Variants in ERBB4 observed in about 807,000 individuals in gnomAD.
ERBB4 encodes erb-b2 receptor tyrosine kinase 4, also known as receptor tyrosine-protein kinase erbB-4.
ERBB4 carries 42 observed loss-of-function variants against 158.0 expected under a neutral mutation model. The observed-to-expected ratio is 0.27, with a 90% confidence interval of 0.21 to 0.34. The LOEUF (loss-of-function observed/expected upper bound fraction) is 0.34. Ranked by LOEUF, ERBB4 falls within the 10% of genes least tolerant of loss-of-function variation. The pLI is 1.00. For synonymous variants in ERBB4, 583 were observed against 558.7 expected (o/e 1.04, Z -0.61); for missense variants, 1,333 against 1,624.1 (o/e 0.82, Z 3.08).
chr2:211,398,365 A>T (rs529866291), intron 25 of ERBB4, among the ~76,000 whole-genome samples: 1 of 152,176 alleles, frequency 6.6e-6, no homozygotes, highest in Admixed American at 6.5e-5. Context: ...AAGTGTTATT[A>T]ATAATTATGC....
chr2:211,745,171 G>A (rs2074926680), intron 5 of ERBB4, among the ~76,000 whole-genome samples: 1 of 152,086 alleles, frequency 6.6e-6, no homozygotes, highest in Admixed American at 6.6e-5. Flanking sequence ...TCTAGAGAAA[G>A]CCTAAAATAA....
At chr2:212,295,926 T>C (rs1004824665) in intron 1 of ERBB4, among the ~76,000 whole-genome samples, 8 of 152,082 alleles carry the variant, frequency 5.3e-5, no homozygotes, top group African/African-American at 1.7e-4. Context: ...TTGCCAGCCA[T>C]TCATCAAAGC....
intron 3 of ERBB4, among the ~76,000 whole-genome samples, chr2:211,813,434 A>G (rs2076804798): frequency 1.3e-5 from 2 of 152,200 alleles, no homozygotes; most frequent in South Asian, 4.1e-4. Context: ...GACACATTTT[A>G]TTCCATGGCA....
At chr2:212,013,632 A>G (rs1429292407) in intron 2 of ERBB4, among the ~76,000 whole-genome samples, 1 of 152,228 alleles carries the variant, frequency 6.6e-6, no homozygotes, top group Non-Finnish European at 1.5e-5. Flanking sequence ...GGACACAGTC[A>G]CACAGAAGAA....
chr2:212,160,598 G>A (rs543855284), intron 1 of ERBB4, among the ~76,000 whole-genome samples: 4 of 152,130 alleles, frequency 2.6e-5, no homozygotes, highest in African/African-American at 9.6e-5. Context: ...GTCATGGTGT[G>A]GTTACAGTTT....
chr2:211,806,313 G>A (rs769390298), intron 3 of ERBB4, among the ~76,000 whole-genome samples: 6 of 152,126 alleles, frequency 3.9e-5, no homozygotes, highest in South Asian at 2.1e-4. Context: ...CAGGGACACC[G>A]TGTGAAAAGT....
chr2:212,049,131 A>G (rs1341614677), intron 2 of ERBB4, among the ~76,000 whole-genome samples: 2 of 152,244 alleles, frequency 1.3e-5, no homozygotes, highest in Non-Finnish European at 2.9e-5. Context: ...TAGCAATAGA[A>G]AATTAATGCA....
rs557742440 is a variant in ERBB4 at position 212,510,965 on chromosome 2, C to T, written c.82+27484G>A. Among the ~76,000 whole-genome samples the T allele has an allele frequency of 4.3e-4, 66 of 151,988 alleles. No homozygotes were observed. In the South Asian group the frequency reaches 0.012, roughly 28 times the overall value. On this transcript the variant is annotated intron_variant, in intron 1 of 27. Coordinates refer to ENST00000342788, the MANE Select transcript of ERBB4 (RefSeq NM_005235.3). ...TTTATAGCCAGTAAAATTATAATAA[C>T]AAAATACTAATAAGAATATATGACC...
At chr2:212,105,578 A>T (rs1253280168) in intron 2 of ERBB4, among the ~76,000 whole-genome samples, 2 of 152,210 alleles carry the variant, frequency 1.3e-5, no homozygotes, top group East Asian at 1.9e-4. Flanking sequence ...AGTAATATTG[A>T]ATTCAATTAA....
In ERBB4 at chr2:212,273,101, T is replaced by C. The variant is rs1383921766; in HGVS notation, c.83-148198A>G. Among the ~76,000 whole-genome samples the C allele has an allele frequency of 3.3e-5, 5 of 151,786 alleles. No individual in the cohort carries two copies. In the East Asian group the frequency reaches 5.9e-4, roughly 18 times the overall value. ...GAGTATGTGGATTTTCTGACCAACA[T>C]AGCATTCTTTCTTTCACCATTTCTG... On this transcript the variant is annotated intron_variant, in intron 1 of 27. Transcript: ENST00000342788.
intron 20 of ERBB4, among the ~76,000 whole-genome samples, chr2:211,540,531 T>C (rs1480149303): frequency 1.3e-5 from 2 of 151,718 alleles, no homozygotes; most frequent in East Asian, 3.9e-4. Flanking sequence ...GTTTTGTTTT[T>C]TGGTGTTTTT....
In ERBB4 at chr2:212,367,363, G is replaced by A. The variant is rs538919530; in HGVS notation, c.82+171086C>T. On this transcript the variant is annotated intron_variant, in intron 1 of 27. Transcript: ENST00000342788. ...AAGGACACCCTTTTCAACAAATGGC[G>A]CTGGGATAATTGGCTAGCCACACGT... 1.9e-3 allele frequency among the ~76,000 whole-genome samples: 282 copies of A among 152,146 alleles called. 1 individual carries two copies. Among genetic ancestry groups the A allele is most frequent in the African/African-American group, 6.5e-3 (270 of 41,528 alleles).
intron 16 of ERBB4, among the ~76,000 whole-genome samples, chr2:211,637,575 T>C (rs949551844): frequency 1.3e-5 from 2 of 152,048 alleles, no homozygotes; most frequent in African/African-American, 4.8e-5. Flanking sequence ...CAAAGGCTTT[T>C]TTGATCCTAT....
intron 2 of ERBB4, among the ~76,000 whole-genome samples, chr2:212,077,262 C>T (rs940212004): frequency 1.3e-5 from 2 of 151,712 alleles, no homozygotes; most frequent in African/African-American, 4.8e-5. Context: ...ATTCGATGAC[C>T]CAGTGATTCA....
intron 3 of ERBB4, among the ~76,000 whole-genome samples, chr2:211,901,101 T>C (rs1294036943): frequency 6.6e-6 from 1 of 152,144 alleles, no homozygotes; most frequent in East Asian, 1.9e-4. Flanking sequence ...TTTGGACATG[T>C]AAATAAATGA....
intron 1 of ERBB4, among the ~76,000 whole-genome samples, chr2:212,188,760 C>A (rs1047111678): frequency 6.6e-6 from 1 of 151,710 alleles, no homozygotes; most frequent in Non-Finnish European, 1.5e-5. Context: ...GGTCATCTTC[C>A]TTCAAGATTC....
chr2:211,700,285 A>G (rs2073187134), intron 12 of ERBB4, among the ~76,000 whole-genome samples: 3 of 152,134 alleles, frequency 2.0e-5, no homozygotes, highest in Non-Finnish European at 4.4e-5. Context: ...AGCACAACAA[A>G]TTTTCTTTTA....
intron 1 of ERBB4, among the ~76,000 whole-genome samples, chr2:212,414,706 T>C (rs1191195625): frequency 6.6e-6 from 1 of 152,230 alleles, no homozygotes; most frequent in Non-Finnish European, 1.5e-5. Context: ...CTTTCTTTAT[T>C]TCCTAGCTTT....
chr2:212,418,569 A>C (rs1191875206), intron 1 of ERBB4, among the ~76,000 whole-genome samples: 1 of 151,082 alleles, frequency 6.6e-6, no homozygotes, highest in Non-Finnish European at 1.5e-5. Flanking sequence ...GAAGTCCATA[A>C]AATAAAATGC....
Sources: allele counts gnomAD v4.1 joint callset (sites outside exome capture counted in the v4.1 genomes callset), GRCh38; gene constraint gnomAD v4.1.1; transcripts MANE v1.5; gene names NCBI Gene and HGNC (gene_info 2026-07-23, HGNC 2026-07-21).